Variants in SLC5A10 observed in about 807,000 individuals in gnomAD.
SLC5A10 encodes the protein solute carrier family 5 member 10, also known as sodium/mannose cotransporter SLC5A10.
SLC5A10 carries 55 observed loss-of-function variants against 68.9 expected under a neutral mutation model. The observed-to-expected ratio is 0.80, with a 90% CI of 0.64 to 1.00. The LOEUF (loss-of-function observed/expected upper bound fraction) is 1.00. SLC5A10 is among the 50% of genes least tolerant of loss of function. The probability of loss-of-function intolerance (pLI) is 0.00; values close to 1 mark genes in which losing one functional copy is unlikely to be tolerated. For missense variants in SLC5A10, 732 were observed against 819.3 expected (o/e 0.89, Z 1.30); for synonymous variants, 344 against 344.8 (o/e 1.00, Z 0.02).
intron 9 of SLC5A10, chr17:18,977,685 C>T (rs2043014128): frequency 1.9e-6 from 3 of 1,610,502 alleles, no homozygotes; most frequent in Non-Finnish European, 2.5e-6. Flanking sequence ...CCCTGGGGTC[C>T]AACAAAGGTC....
At chr17:18,976,581 T>C in intron 8 of SLC5A10, 2 of 428,230 alleles carry the variant, frequency 4.7e-6, no homozygotes, top group East Asian at 7.9e-5. Flanking sequence ...GGTGGTGGGC[T>C]GGGCAGGATC....
intron 5 of SLC5A10, among the ~76,000 whole-genome samples, chr17:18,966,493 G>A (rs2151997342): frequency 6.6e-6 from 1 of 152,316 alleles, no homozygotes; most frequent in Non-Finnish European, 1.5e-5. Flanking sequence ...GCCGGGTGCG[G>A]TGGCTCACGC....
Position 18,976,975 on chromosome 17 carries a change from G to T in SLC5A10, c.968G>T (p.Arg323Leu), listed in dbSNP as rs1046841367. The change falls in exon 9 of 15, where the codon CGC becomes CTC. Residue 323 changes from arginine (R) to leucine (L), a missense_variant. Coordinates refer to ENST00000395645, the MANE Select transcript of SLC5A10 (RefSeq NM_001042450.4). ...GLIIMPGMIS[R>L]ALFPDDVGCV... is the part of the protein sequence containing the mutation. Reference sequence around the variant, plus strand: ...ATCATCATGCCGGGCATGATCAGCCGCGCATTGTTCCCAGGTAGGACGGGC... The same window carrying T: ...ATCATCATGCCGGGCATGATCAGCCTCGCATTGTTCCCAGGTAGGACGGGC... 3 of 1,612,674 alleles carry T rather than the reference G, an allele frequency of 1.9e-6. No homozygotes were observed. The highest frequency in any genetic ancestry group is 2.2e-5 in the East Asian group (1 of 44,850).
chr17:18,997,945 G>T (rs1460030539), intron 9 of SLC5A10, among the ~76,000 whole-genome samples: 1 of 152,204 alleles, frequency 6.6e-6, no homozygotes, highest in South Asian at 2.1e-4. Flanking sequence ...GCACTACCAT[G>T]ACACTGAGGA....
intron 9 of SLC5A10, among the ~76,000 whole-genome samples, chr17:19,011,639 C>T (rs895681737): frequency 3.3e-5 from 5 of 151,020 alleles, no homozygotes; most frequent in Middle Eastern, 3.4e-3. Flanking sequence ...GGGCCCCAGA[C>T]GGGAGGGGGA....
In SLC5A10 at chr17:19,022,045, G is replaced by A. The variant is rs765807135; in HGVS notation, c.*1614G>A. The stretch of plus-strand genomic sequence containing the variant: ...CCCCGCCACCAGTGGGGGTCTGGGC[G>A]CTCCAGGACCTCAATGATGTCGCCA... On this transcript the variant is annotated 3_prime_UTR_variant, in exon 15 of 15. Transcript: ENST00000395645. 32 of 1,596,948 alleles carry A rather than the reference G, an allele frequency of 2.0e-5. No individual in the cohort carries two copies. Among genetic ancestry groups the A allele is most frequent in the Non-Finnish European group, 2.4e-5 (28 of 1,172,530 alleles).
Position 18,971,155 on chromosome 17 carries a change from G to A in SLC5A10, c.783G>A (p.Leu261=). 6.2e-7 allele frequency: 1 copy of A among 1,614,114 alleles called. No individual in the cohort carries two copies. Among genetic ancestry groups the A allele is most frequent in the Non-Finnish European group, 8.5e-7 (1 of 1,180,048 alleles). The part of the protein sequence containing the change: ...HMFRDPHTGD[L]PWTGMTFGLT... ...TTCGAGACCCCCACACAGGGGACCTGCCGTGGACCGGGATGACCTTTGGCC... is the reference window on the plus strand; with the variant it reads ...TTCGAGACCCCCACACAGGGGACCTACCGTGGACCGGGATGACCTTTGGCC... The change falls in exon 8 of 15, where the codon CTG becomes CTA. Residue 261 remains leucine, a synonymous_variant. Coordinates refer to ENST00000395645, the MANE Select transcript of SLC5A10 (RefSeq NM_001042450.4). This position sits in a 1 kb window ranked among gnomAD's most constrained non-coding sequence, Gnocchi z 5.5.
intron 1 of SLC5A10, chr17:18,952,579 C>T (rs1294285722): frequency 1.6e-5 from 6 of 377,702 alleles, no homozygotes; most frequent in Non-Finnish European, 2.4e-5. Flanking sequence ...TTTTGTGCTG[C>T]TGCCCAGCTG....
intron 9 of SLC5A10, among the ~76,000 whole-genome samples, chr17:18,995,974 C>T (rs1016338066): frequency 1.3e-5 from 2 of 150,236 alleles, no homozygotes; most frequent in South Asian, 2.1e-4. Context: ...ACTATACCAA[C>T]GCACATCATA....
rs375937241 is a variant in SLC5A10, at chr17:19,019,578, G to A, written c.1397G>A (p.Arg466His). 1.8e-5 allele frequency: 29 copies of A among 1,611,392 alleles called. No individual in the cohort carries two copies. Among genetic ancestry groups the A allele is most frequent in the African/African-American group, 1.7e-4 (13 of 74,928 alleles). The change falls in exon 12 of 15, where the codon CGT (arginine) becomes CAT (histidine). Residue 466 changes from arginine (R) to histidine (H), a missense_variant. Coordinates refer to ENST00000395645, the MANE Select transcript of SLC5A10 (RefSeq NM_001042450.4). ...TTTGTCCTGGGCGTCTTCTGGCGAC[G>A]TGCCAACGAGCAGGTGGGCGTCGGC... ...AVFVLGVFWR[R>H]ANEQGAFWGL...
rs181968915 is a variant in SLC5A10, at chr17:18,968,614, C to T, written c.454-438C>T. Among the ~76,000 whole-genome samples, 1,084 of 136,536 alleles carry T rather than the reference C, an allele frequency of 7.9e-3. 6 individuals carry two copies. Among genetic ancestry groups the T allele is most frequent in the Non-Finnish European group, 0.012 (788 of 67,902 alleles). The allele number at this position is 136,536 out of a possible 152,430, so 89.6% of individuals were successfully genotyped here. A position where few individuals can be genotyped will look rare whatever the true frequency, so the allele number is the denominator to read the frequency against. On this transcript the variant is annotated intron_variant, in intron 5 of 14. Transcript: ENST00000395645. The surrounding 1 kb of genome is among the most constrained non-coding windows in gnomAD (Gnocchi z 4.1). ...AAGGCTGCCCCTCTGTTTCCTGGTCCGCCCAGCACACACTTTTCCTGAGGC... is the reference window on the plus strand; with the variant it reads ...AAGGCTGCCCCTCTGTTTCCTGGTCTGCCCAGCACACACTTTTCCTGAGGC...
rs184849239 is a variant in SLC5A10, at chr17:18,964,646, G to A, written c.453+3994G>A. ...AGGGAGTGGGCTCACTGGAGACAGG[G>A]CAGTCTGGGGTGGAAATGCCAGCCT... On this transcript the variant is annotated intron_variant, in intron 5 of 14. Coordinates refer to ENST00000395645, the MANE Select transcript of SLC5A10 (RefSeq NM_001042450.4). Among the ~76,000 whole-genome samples the A allele has an allele frequency of 2.0e-3, 306 of 152,354 alleles. 2 individuals carry two copies. Among genetic ancestry groups the A allele is most frequent in the African/African-American group, 6.8e-3 (284 of 41,576 alleles).
chr17:18,970,903 T>G (rs1295802509), intron 7 of SLC5A10, 110 bp from the exon 8 acceptor site: 2 of 1,001,110 alleles, frequency 2.0e-6, no homozygotes, highest in Non-Finnish European at 3.0e-6. Context: ...TGGAAAAAAC[T>G]CAAGTTTGAT....
At chr17:19,015,357 C>G (rs542080294) in intron 11 of SLC5A10, among the ~76,000 whole-genome samples, 158 bp downstream of exon 11, 1 of 152,290 alleles carries the variant, frequency 6.6e-6, no homozygotes, top group East Asian at 1.9e-4. Context: ...TACCACCTCT[C>G]ACATTGCTCT....
chr17:19,003,828 C>G lies in SLC5A10; in HGVS notation c.983-9582C>G, dbSNP rs1285750716. 1.2e-6 allele frequency: 2 copies of G among 1,612,852 alleles called. No homozygotes were observed. Among genetic ancestry groups the G allele is most frequent in the East Asian group, 4.5e-5 (2 of 44,828 alleles). ...TCCTCAGAGCCCGGGTCGTACACCT[C>G]GATGGTCTCCAGGATGCGCTTGAGC... is the stretch of plus-strand genomic sequence containing the variant. On this transcript the variant is annotated intron_variant, in intron 9 of 14. Coordinates refer to ENST00000395645, the MANE Select transcript of SLC5A10 (RefSeq NM_001042450.4). The surrounding 1 kb of genome is among the most constrained non-coding windows in gnomAD (Gnocchi z 4.5).
Position 19,021,984 on chromosome 17 carries a change from C to T in SLC5A10, c.*1553C>T, listed in dbSNP as rs547412312. 4.0e-4 allele frequency: 632 copies of T among 1,579,448 alleles called. 10 individuals carry two copies. The South Asian group carries it at 5.3e-3, about 13-fold the overall frequency. ...TCACAGGTGCACGGGCTGCACGTAA[C>T]TCCGTGGGAAGAAGCCAACGCGCCC... is the stretch of plus-strand genomic sequence containing the variant. On this transcript the variant is annotated 3_prime_UTR_variant, in exon 15 of 15. Coordinates refer to ENST00000395645, the MANE Select transcript of SLC5A10 (RefSeq NM_001042450.4). The surrounding 1 kb of genome is among the most constrained non-coding windows in gnomAD (Gnocchi z 4.1).
At chr17:18,984,993 G>A (rs894118284) in intron 9 of SLC5A10, among the ~76,000 whole-genome samples, 1 of 152,248 alleles carries the variant, frequency 6.6e-6, no homozygotes, top group African/African-American at 2.4e-5. Flanking sequence ...GGGACCAGGA[G>A]TGGGCTTGGC....
At chr17:18,973,884 GTTTTTTTTTTTTTT>G (rs35778801) in intron 8 of SLC5A10, among the ~76,000 whole-genome samples, 1 of 95,740 alleles carries the variant, frequency 1.0e-5, no homozygotes, top group East Asian at 3.1e-4. Context: ...TTTTTTTTAA[GTTTTTTTTTTTTTT>G]TTTTTTTTCC....
intron 9 of SLC5A10, among the ~76,000 whole-genome samples, chr17:19,009,890 A>C (rs2043978373): frequency 6.6e-6 from 1 of 151,986 alleles, no homozygotes. Flanking sequence ...ATTGAGAGGA[A>C]TGAGTATAAG....
Sources: gnomAD v4.1 joint callset for allele counts (sites outside exome capture counted in the v4.1 genomes callset) on GRCh38, gnomAD v4.1.1 for gene constraint, Gnocchi (gnomAD v3.1) non-coding constraint, MANE v1.5 for transcripts, NCBI Gene and HGNC (gene_info 2026-07-23, HGNC 2026-07-21) for gene names.